The following PCSK2 variants were observed in gnomAD, a reference collection of about 807,000 sequenced individuals.
PCSK2 encodes the protein proprotein convertase subtilisin/kexin type 2.
A neutral mutation model predicts 69.7 loss-of-function variants in PCSK2; 14 were observed. The observed-to-expected ratio is 0.20, with a 90% confidence interval of 0.13 to 0.31. PCSK2 has a LOEUF of 0.31. Ranked by LOEUF, PCSK2 falls within the 10% of genes least tolerant of loss-of-function variation. The probability of loss-of-function intolerance (pLI) is 1.00; values close to 1 mark genes in which losing one functional copy is unlikely to be tolerated. For missense variants in PCSK2, 544 were observed against 842.5 expected (o/e 0.65, Z 4.39); for synonymous variants, 307 against 320.7 (o/e 0.96, Z 0.46).
At chr20:17,281,196 G>A (rs1405389914) in intron 2 of PCSK2, among the ~76,000 whole-genome samples, 5 of 152,196 alleles carry the variant, frequency 3.3e-5, no homozygotes, top group Admixed American at 1.3e-4. Flanking sequence ...CTATTAGGCA[G>A]ATTTTGGAGA....
In PCSK2 at chr20:17,227,473, A is replaced by T; in HGVS notation, c.168A>T (p.Gly56=). ...AAGTTGCAGCAGAACACGGCTTTGG[A>T]GTCCGAAAGGTAAGCTCTCCCATGC... ...ARQVAAEHGF[G]VRKLPFAEGL... is the part of the protein sequence containing the mutation. The change falls in exon 1 of 12, where the codon GGA becomes GGT. Residue 56 remains glycine, a synonymous_variant. Coordinates refer to ENST00000262545, the MANE Select transcript of PCSK2 (RefSeq NM_002594.5). 1 of 1,613,580 alleles carries T rather than the reference A, an allele frequency of 6.2e-7. No individual in the cohort carries two copies.
At chr20:17,254,790 T>TA (rs901117118) in intron 1 of PCSK2, among the ~76,000 whole-genome samples, 2 of 152,228 alleles carry the variant, frequency 1.3e-5, no homozygotes, top group African/African-American at 2.4e-5. Context: ...ATTGCCATTT[T>TA]AAAAAATCCG....
rs2032855479 is a variant in PCSK2 at position 17,453,039 on chromosome 20, A to G, written c.886-703A>G. On this transcript the variant is annotated intron_variant, in intron 8 of 11. Coordinates refer to ENST00000262545, the MANE Select transcript of PCSK2 (RefSeq NM_002594.5). The surrounding 1 kb of genome is among the most constrained non-coding windows in gnomAD (Gnocchi z 4.0). Reference sequence around the variant, plus strand: ...TGATCATATTAGACTTTCCTCCTACATTTGGAGTTCCCTTGCTCAAGTAAA... The same window carrying G: ...TGATCATATTAGACTTTCCTCCTACGTTTGGAGTTCCCTTGCTCAAGTAAA... 6.6e-6 allele frequency among the ~76,000 whole-genome samples: 1 copy of G among 152,204 alleles called. No homozygotes were observed. Among genetic ancestry groups the G allele is most frequent in the African/African-American group, 2.4e-5 (1 of 41,460 alleles).
chr20:17,352,993 C>CAAA lies in PCSK2; in HGVS notation c.283-5326_283-5324dup, dbSNP rs199561992. ...TCTATAAGAAACTTAAACAAATCAA[C>CAAA]AAAAAAAAAATCCCTATTTTAAAAT... On this transcript the variant is annotated intron_variant, in intron 2 of 11. Coordinates refer to ENST00000262545, the MANE Select transcript of PCSK2 (RefSeq NM_002594.5). Among the ~76,000 whole-genome samples, 203 of 148,428 alleles carry CAAA rather than the reference C, an allele frequency of 1.4e-3. 3 individuals are homozygous for CAAA. In the East Asian group the frequency reaches 0.034, roughly 25 times the overall value.
intron 2 of PCSK2, among the ~76,000 whole-genome samples, chr20:17,271,704 C>T (rs58769328): frequency 3.3e-5 from 5 of 152,016 alleles, no homozygotes; most frequent in South Asian, 2.1e-4. Context: ...CAATAATGGA[C>T]GCCCTGGTTG....
intron 1 of PCSK2, among the ~76,000 whole-genome samples, chr20:17,242,463 A>G (rs545078310): frequency 2.8e-4 from 43 of 152,360 alleles, no homozygotes; most frequent in African/African-American, 9.4e-4. Context: ...GTTCAAGTTT[A>G]TGCCCAAGGA....
rs139630317 is a variant in PCSK2 at position 17,419,241 on chromosome 20, A to G, written c.620+9902A>G. 3.8e-3 allele frequency among the ~76,000 whole-genome samples: 574 copies of G among 152,348 alleles called. 3 individuals are homozygous for G. The highest frequency in any genetic ancestry group is 0.013 in the African/African-American group (535 of 41,586). On this transcript the variant is annotated intron_variant, in intron 6 of 11. Transcript: ENST00000262545. ...GCTTTTAGGGAATGTGTATATTAGA[A>G]TAGCTTGCCTTGTGCTCGATTTGCT... is the stretch of plus-strand genomic sequence containing the variant.
At chr20:17,365,435 C>T (rs1215791467) in intron 4 of PCSK2, among the ~76,000 whole-genome samples, 1 of 152,114 alleles carries the variant, frequency 6.6e-6, no homozygotes, top group Non-Finnish European at 1.5e-5. Flanking sequence ...CAGCATTTCA[C>T]CCTGCCCGCA....
chr20:17,347,700 G>A (rs1207649008), intron 2 of PCSK2, among the ~76,000 whole-genome samples: 2 of 151,712 alleles, frequency 1.3e-5, no homozygotes, highest in Non-Finnish European at 2.9e-5. Context: ...GGAAGGCAGT[G>A]CATGTGAGGA....
At chr20:17,481,160 C>A (rs1447897464) in intron 11 of PCSK2, among the ~76,000 whole-genome samples, 1 of 152,082 alleles carries the variant, frequency 6.6e-6, no homozygotes, top group Non-Finnish European at 1.5e-5. Context: ...GCAGCTGGAT[C>A]ACTTGAGGCC....
rs3215510 is a variant in PCSK2 at position 17,482,383 on chromosome 20, A to AT, written c.*324dup. ...AAAAAACTGGGACAGCTTTCCCCTC[A>AT]TTTTTTTTTTTGTTTCTGAGAAAAG... On this transcript the variant is annotated 3_prime_UTR_variant, in exon 12 of 12. Coordinates refer to ENST00000262545, the MANE Select transcript of PCSK2 (RefSeq NM_002594.5). 2,963 of 147,790 alleles carry AT rather than the reference A, an allele frequency of 0.02. 105 individuals are homozygous for AT. The highest frequency in any genetic ancestry group is 0.13 in the East Asian group (671 of 5,270). The allele number at this position is 147,790 out of a possible 1,614,324, so 9.2% of individuals were successfully genotyped here.
At chr20:17,235,604 A>G (rs1986310488) in intron 1 of PCSK2, among the ~76,000 whole-genome samples, 1 of 152,138 alleles carries the variant, frequency 6.6e-6, no homozygotes, top group Admixed American at 6.5e-5. Context: ...GACCTGGAAT[A>G]TTTGGGTTTC....
chr20:17,259,919 C>A (rs895857606), intron 1 of PCSK2, among the ~76,000 whole-genome samples: 1 of 151,430 alleles, frequency 6.6e-6, no homozygotes, highest in Non-Finnish European at 1.5e-5. Flanking sequence ...GAATCTGATG[C>A]AGGTGTGAAT....
intron 5 of PCSK2, among the ~76,000 whole-genome samples, chr20:17,401,180 A>G (rs530722687): frequency 4.6e-5 from 7 of 152,252 alleles, no homozygotes; most frequent in African/African-American, 1.7e-4. Context: ...TTTTAAATAC[A>G]TTAACAAGAT....
chr20:17,239,149 A>T (rs1390473683), intron 1 of PCSK2, among the ~76,000 whole-genome samples: 2 of 152,208 alleles, frequency 1.3e-5, no homozygotes, highest in African/African-American at 4.8e-5. Flanking sequence ...GTGACAGAGG[A>T]GAATAAGGTG....
chr20:17,369,206 C>T (rs759523959), intron 4 of PCSK2, 34 bp from the exon 5 acceptor site: 3 of 1,603,620 alleles, frequency 1.9e-6, no homozygotes, highest in Middle Eastern at 1.7e-4. Context: ...AGGTATTAAC[C>T]TTTGGTTCCT....
At chr20:17,287,993 C>T (rs117771084) in intron 2 of PCSK2, among the ~76,000 whole-genome samples, 7 of 152,310 alleles carry the variant, frequency 4.6e-5, no homozygotes, top group Non-Finnish European at 1.0e-4. Context: ...TCCTTTCTGT[C>T]CCAGAACGCC....
At chr20:17,322,077 A>G (rs1989885148) in intron 2 of PCSK2, among the ~76,000 whole-genome samples, 1 of 152,082 alleles carries the variant, frequency 6.6e-6, no homozygotes, top group African/African-American at 2.4e-5. Flanking sequence ...GTACTCATTG[A>G]TCATTTTATT....
intron 5 of PCSK2, among the ~76,000 whole-genome samples, chr20:17,408,584 G>C (rs1040361555): frequency 6.6e-6 from 1 of 152,180 alleles, no homozygotes; most frequent in African/African-American, 2.4e-5. Flanking sequence ...ACATTTCTTT[G>C]TTTGATCTTT....
Sources: allele counts gnomAD v4.1 joint callset (sites outside exome capture counted in the v4.1 genomes callset), GRCh38; gene constraint gnomAD v4.1.1; non-coding constraint Gnocchi (gnomAD v3.1); transcripts MANE v1.5; gene names NCBI Gene and HGNC (gene_info 2026-07-23, HGNC 2026-07-21).